SLC44A1: variants seen among roughly 807,000 people sequenced by gnomAD.
SLC44A1 encodes the protein solute carrier family 44 member 1.
A neutral mutation model predicts 79.3 loss-of-function variants in SLC44A1; 26 were observed. That is an observed-to-expected ratio of 0.33 (90% CI 0.24 to 0.46). The LOEUF (loss-of-function observed/expected upper bound fraction) is 0.46. SLC44A1 is among the 20% of genes least tolerant of loss of function. The pLI, the probability that SLC44A1 is intolerant of heterozygous loss-of-function variation, is 1.00. For synonymous variants in SLC44A1, 263 were observed against 286.2 expected (o/e 0.92, Z 0.82); for missense variants, 688 against 798.1 (o/e 0.86, Z 1.66).
At chr9:105,304,944 GTTTTTTTTTTTTTTTTTTTTTTTTTTT>G (rs10589897) in intron 2 of SLC44A1, among the ~76,000 whole-genome samples, 2 of 20,078 alleles carry the variant, frequency 1.0e-4, no homozygotes, top group African/African-American at 1.4e-4. Context: ...ACTTTCTATC[GTTTTTTTTTTTTTTTTTTTTTTTTTTT>G]TTTTTTTTTT....
At chr9:105,274,258 T>C (rs1330466969) in intron 1 of SLC44A1, among the ~76,000 whole-genome samples, 2 of 152,238 alleles carry the variant, frequency 1.3e-5, no homozygotes, top group Non-Finnish European at 1.5e-5. Flanking sequence ...AATATATCTT[T>C]TCTATCAGCA....
chr9:105,335,706 C>T lies in SLC44A1; in HGVS notation c.406+7C>T. The T allele has an allele frequency of 6.2e-7, 1 of 1,610,814 alleles. No individual in the cohort carries two copies. The highest frequency in any genetic ancestry group is 8.5e-7 in the Non-Finnish European group (1 of 1,178,362). ...AAGTTTGCAGAGATAAATGGTGAGA[C>T]ATTAGGCCATCCAAATCTATGTCCT... is the stretch of plus-strand genomic sequence containing the variant. On this transcript the variant is annotated splice_region_variant and intron_variant, in intron 4 of 15. Transcript: ENST00000374720.
Position 105,335,606 on chromosome 9 carries a change from C to G in SLC44A1, c.313C>G (p.Arg105Gly). The part of the protein sequence containing the change: ...LDPCNLDLIN[R>G]KIKSVALCVA... ...TCCATGCAACCTGGACTTGATAAAC[C>G]GGAAGATTAAGTCTGTAGCACTGTG... Residue 105 changes from arginine (R) to glycine (G), a missense_variant, in exon 4 of 16, where the codon CGG (arginine) becomes GGG (glycine). Transcript: ENST00000374720. The G allele has an allele frequency of 6.2e-7, 1 of 1,613,014 alleles. No homozygotes were observed. The highest frequency in any genetic ancestry group is 8.5e-7 in the Non-Finnish European group (1 of 1,179,300).
intron 7 of SLC44A1, among the ~76,000 whole-genome samples, chr9:105,360,222 CTG>C (rs1404296427): frequency 6.6e-6 from 1 of 152,202 alleles, no homozygotes; most frequent in Non-Finnish European, 1.5e-5. Context: ...AGATTGCTCT[CTG>C]TCTTTGATTC....
chr9:105,348,572 A>G, intron 5 of SLC44A1, 121 bp downstream of exon 5: 1 of 576,218 alleles, frequency 1.7e-6, no homozygotes, highest in Non-Finnish European at 3.0e-6. Flanking sequence ...CAATACTTTT[A>G]TTAAAAAAAT....
intron 5 of SLC44A1, among the ~76,000 whole-genome samples, chr9:105,350,592 G>A (rs763718733): frequency 5.1e-4 from 77 of 152,112 alleles, no homozygotes; most frequent in Non-Finnish European, 9.0e-4. Context: ...ATACTACTGG[G>A]ACGGAAGGAC....
At chr9:105,340,695 A>G (rs1827061436) in intron 4 of SLC44A1, among the ~76,000 whole-genome samples, 1 of 152,202 alleles carries the variant, frequency 6.6e-6, no homozygotes, top group Admixed American at 6.5e-5. Flanking sequence ...CTTTTCAAAG[A>G]ATTTTAAGTT....
chr9:105,381,638 A>G (rs1828469986), intron 13 of SLC44A1, among the ~76,000 whole-genome samples: 1 of 151,896 alleles, frequency 6.6e-6, no homozygotes, highest in South Asian at 2.1e-4. Flanking sequence ...AAAAAATGGA[A>G]GTAATTAACC....
Position 105,395,714 on chromosome 9 carries a change from G to A in SLC44A1, c.*6658G>A, listed in dbSNP as rs1438760041. On this transcript the variant is annotated 3_prime_UTR_variant, in exon 16 of 16. Coordinates refer to ENST00000374720, the MANE Select transcript of SLC44A1 (RefSeq NM_080546.5). The stretch of plus-strand genomic sequence containing the variant: ...TCTGATCCACCCATCCTGTCAGCTA[G>A]GATTATAATTTGAACTGTCGTTTCA... 2 of 985,110 alleles carry A rather than the reference G, an allele frequency of 2.0e-6. No individual in the cohort carries two copies. The highest frequency in any genetic ancestry group is 3.5e-5 in the African/African-American group (2 of 57,166). The allele number at this position is 985,110 out of a possible 1,614,324, so 61.0% of individuals were successfully genotyped here. A position where few individuals can be genotyped will look rare whatever the true frequency, so the allele number is the denominator to read the frequency against.
At position 105,342,949 on chromosome 9, in the gene SLC44A1, G is replaced by C. The variant is rs1036553649; in HGVS notation, c.407-5409G>C. Among the ~76,000 whole-genome samples, 94 of 150,584 alleles carry C rather than the reference G, an allele frequency of 6.2e-4. 1 individual carries two copies. The highest frequency in any genetic ancestry group is 5.0e-4 in the Non-Finnish European group (34 of 67,784). On this transcript the variant is annotated intron_variant, in intron 4 of 15. Coordinates refer to ENST00000374720, the MANE Select transcript of SLC44A1 (RefSeq NM_080546.5). ...GAGCTCAGGAGTTCAAGGCCAGCCT[G>C]GGCAACATAGCAAGATCCTTGTCTC...
At chr9:105,437,942 A>C (rs1301651629) in intron 15 of SLC44A1, among the ~76,000 whole-genome samples, 1 of 152,204 alleles carries the variant, frequency 6.6e-6, no homozygotes, top group Non-Finnish European at 1.5e-5. Flanking sequence ...GCCTTCCTTG[A>C]TATGTGTCAG....
intron 7 of SLC44A1, 59 bp from the exon 8 acceptor site, chr9:105,361,132 T>C (rs1310918631): frequency 1.3e-6 from 2 of 1,540,576 alleles, no homozygotes; most frequent in African/African-American, 2.7e-5. Flanking sequence ...ATTGAGAATT[T>C]ATGTTACACA....
intron 15 of SLC44A1, among the ~76,000 whole-genome samples, chr9:105,387,191 C>A (rs1828657948): frequency 6.6e-6 from 1 of 150,762 alleles, no homozygotes. Context: ...GTTAAAGCCT[C>A]AATAAAATAT....
intron 15 of SLC44A1, among the ~76,000 whole-genome samples, chr9:105,427,326 G>A (rs958124620): frequency 2.6e-5 from 4 of 152,144 alleles, no homozygotes; most frequent in Non-Finnish European, 5.9e-5. Context: ...TCATTTGAAT[G>A]TACTATATTC....
At chr9:105,320,420 G>A (rs1826357219) in intron 3 of SLC44A1, among the ~76,000 whole-genome samples, 1 of 151,498 alleles carries the variant, frequency 6.6e-6, no homozygotes, top group Non-Finnish European at 1.5e-5. Context: ...GTCATGTGGT[G>A]AGGATGTTTA....
chr9:105,334,545 A>G (rs1826851925), intron 3 of SLC44A1, among the ~76,000 whole-genome samples: 1 of 152,182 alleles, frequency 6.6e-6, no homozygotes, highest in Non-Finnish European at 1.5e-5. Flanking sequence ...TGACAGATGC[A>G]TGATTTTATA....
chr9:105,427,483 C>T (rs895310318), intron 15 of SLC44A1, among the ~76,000 whole-genome samples: 3 of 151,908 alleles, frequency 2.0e-5, no homozygotes, highest in Middle Eastern at 3.2e-3. Flanking sequence ...CTACGTTGCT[C>T]AGGCTGGTCT....
intron 15 of SLC44A1, among the ~76,000 whole-genome samples, chr9:105,408,701 G>A (rs544209479): frequency 7.2e-5 from 11 of 152,234 alleles, no homozygotes; most frequent in South Asian, 2.1e-4. Flanking sequence ...GTGAGCCACC[G>A]CACCCGGCCT....
intron 11 of SLC44A1, 103 bp downstream of exon 11, chr9:105,365,742 C>T (rs1827920853): frequency 8.3e-7 from 1 of 1,208,934 alleles, no homozygotes; most frequent in East Asian, 2.4e-5. Flanking sequence ...GTTGTGTTTT[C>T]TTCAAAGTCT....
Sources: gnomAD v4.1 joint callset for allele counts (sites outside exome capture counted in the v4.1 genomes callset) on GRCh38, gnomAD v4.1.1 for gene constraint, MANE v1.5 for transcripts, NCBI Gene and HGNC (gene_info 2026-07-23, HGNC 2026-07-21) for gene names.